The following FRRS1L variants were observed in gnomAD, a reference collection of about 807,000 sequenced individuals.
FRRS1L encodes DOMON domain-containing protein FRRS1L.
In FRRS1L, 22 loss-of-function variants were observed where a neutral mutation model predicts 28.6. The ratio of observed to expected loss-of-function variants is 0.77; its 90% CI spans 0.55 to 1.10. The LOEUF (loss-of-function observed/expected upper bound fraction) is 1.10, where lower values mean the gene tolerates loss of function less well. FRRS1L is among the 50% of genes least tolerant of loss of function. FRRS1L has a pLI of 0.00. For missense variants in FRRS1L, 380 were observed against 386.9 expected (o/e 0.98, Z 0.15); for synonymous variants, 158 against 151.4 (o/e 1.04, Z -0.32).
chr9:109,165,237 T>G (rs2118519107), intron 1 of FRRS1L, among the ~76,000 whole-genome samples: 1 of 152,380 alleles, frequency 6.6e-6, no homozygotes, highest in African/African-American at 2.4e-5. Context: ...TTAGTCTCCC[T>G]TGAAGCTAGG....
chr9:109,144,397 G>A lies in FRRS1L; in HGVS notation c.462+2654C>T, dbSNP rs576630525. ...CTACTTTTTTTCTTTTTTTGAGACA[G>A]TCTCGCTCTGTTGCTCAGGGTGGAG... On this transcript the variant is annotated intron_variant, in intron 3 of 4. Coordinates refer to ENST00000561981, the MANE Select transcript of FRRS1L (RefSeq NM_014334.4). 7.2e-5 allele frequency among the ~76,000 whole-genome samples: 11 copies of A among 152,146 alleles called. 1 individual carries two copies. The South Asian group carries it at 2.3e-3, about 32-fold the overall frequency.
At position 109,166,992 on chromosome 9, in the gene FRRS1L, G is replaced by T. The variant is rs1305464357; in HGVS notation, c.147C>A (p.Asp49Glu). 1.6e-6 allele frequency: 2 copies of T among 1,268,566 alleles called. No individual in the cohort carries two copies. The highest frequency in any genetic ancestry group is 3.2e-5 in the East Asian group (1 of 31,286). 78.6% of individuals were successfully genotyped at this position (1,268,566 alleles called of 1,614,324 possible). The change falls in exon 1 of 5, where the codon GAC becomes GAA. Residue 49 changes from aspartate to glutamate, a missense_variant. Coordinates refer to ENST00000561981, the MANE Select transcript of FRRS1L (RefSeq NM_014334.4). ...GRGPRGRARG[D>E]TGADEAVPRH... ...GCGGCACCGCCTCGTCGGCGCCCGTGTCCCCCCGCGCGCGTCCCCGGGGTC... is the reference window on the plus strand; with the variant it reads ...GCGGCACCGCCTCGTCGGCGCCCGTTTCCCCCCGCGCGCGTCCCCGGGGTC...
intron 1 of FRRS1L, among the ~76,000 whole-genome samples, chr9:109,165,346 C>T (rs1016962082): frequency 3.9e-5 from 6 of 152,126 alleles, no homozygotes; most frequent in African/African-American, 9.7e-5. Context: ...CTTTTTCTTT[C>T]CCTCAATCTT....
intron 1 of FRRS1L, among the ~76,000 whole-genome samples, chr9:109,164,019 C>T (rs11795286): frequency 0.035 from 5,331 of 152,314 alleles, 157 homozygotes; most frequent in Middle Eastern, 0.068. Context: ...GGACACCCCT[C>T]TCTCCTGGTT....
chr9:109,149,999 C>T (rs1831312207), intron 1 of FRRS1L: 1 of 295,382 alleles, frequency 3.4e-6, no homozygotes, highest in Non-Finnish European at 6.4e-6. Flanking sequence ...TTTCATATAA[C>T]CACGGGCTTA....
intron 3 of FRRS1L, among the ~76,000 whole-genome samples, chr9:109,145,138 T>C (rs530347171): frequency 1.3e-4 from 20 of 152,090 alleles, no homozygotes; most frequent in Non-Finnish European, 2.5e-4. Context: ...GAAAGTCTCA[T>C]AGTTTGGGAA....
In FRRS1L at chr9:109,149,656, T is replaced by C; in HGVS notation, c.303A>G (p.Gly101=). The change falls in exon 2 of 5, where the codon GGA becomes GGG. Residue 101 remains glycine (G), a synonymous_variant. Transcript: ENST00000561981. ...PFAKIKVDDC[G]KTKGCFRYGK... is the part of the protein sequence containing the mutation. ...CCAACCTAAAGCATCCCTTAGTTTT[T>C]CCACAGTCGTCCACTTTGATTTTGG... 6.2e-7 allele frequency: 1 copy of C among 1,613,112 alleles called. No individual in the cohort carries two copies. The highest frequency in any genetic ancestry group is 8.5e-7 in the Non-Finnish European group (1 of 1,179,060).
At chr9:109,144,715 T>G (rs10979706) in intron 3 of FRRS1L, among the ~76,000 whole-genome samples, 8 of 151,092 alleles carry the variant, frequency 5.3e-5, no homozygotes, top group Admixed American at 3.3e-4. Flanking sequence ...CGGAGTTTCA[T>G]TCTCGTTGCC....
intron 4 of FRRS1L, 134 bp downstream of exon 4, chr9:109,141,209 G>T: frequency 1.1e-6 from 1 of 889,344 alleles, no homozygotes; most frequent in Non-Finnish European, 1.7e-6. Context: ...GAAGGTAGGA[G>T]TCGCATCTCC....
chr9:109,149,485 C>A (rs1034993808), intron 2 of FRRS1L, 151 bp downstream of exon 2: 112 of 581,090 alleles, frequency 1.9e-4, no homozygotes, highest in Non-Finnish European at 2.9e-4. Flanking sequence ...GACTGAAAAG[C>A]GGGATGGCCG....
In FRRS1L at chr9:109,160,115, T is replaced by C. The variant is rs552707920; in HGVS notation, c.238+6786A>G. Reference sequence around the variant, plus strand: ...TATTTTGTTATTTGTTTCCTTCTACTATCTTTAGATTTATTCCCTTCTTTC... The same window carrying C: ...TATTTTGTTATTTGTTTCCTTCTACCATCTTTAGATTTATTCCCTTCTTTC... On this transcript the variant is annotated intron_variant, in intron 1 of 4. Transcript: ENST00000561981. Among the ~76,000 whole-genome samples, 6 of 152,350 alleles carry C rather than the reference T, an allele frequency of 3.9e-5. No homozygotes were observed. In the South Asian group the frequency reaches 1.2e-3, roughly 32 times the overall value.
intron 1 of FRRS1L, among the ~76,000 whole-genome samples, chr9:109,160,465 C>CAGTGGTATGAACATAGCTCACTGT (rs11268890): frequency 6.6e-6 from 1 of 151,932 alleles, no homozygotes; most frequent in African/African-American, 2.4e-5. Context: ...GACTGGAGCA[C>CAGTGGTATGAACATAGCTCACTGT]AGCCTCGACC....
intron 3 of FRRS1L, among the ~76,000 whole-genome samples, chr9:109,143,553 T>G (rs1356322715): frequency 1.3e-5 from 2 of 150,418 alleles, no homozygotes; most frequent in African/African-American, 4.9e-5. Flanking sequence ...GTCTCACTGT[T>G]GCTCAGGCTG....
intron 3 of FRRS1L, among the ~76,000 whole-genome samples, chr9:109,144,079 C>G (rs886944746): frequency 3.3e-5 from 5 of 152,118 alleles, no homozygotes; most frequent in Non-Finnish European, 7.3e-5. Context: ...GCATTTAGGA[C>G]AGGAAGTGGT....
chr9:109,163,743 C>A (rs999733571), intron 1 of FRRS1L, among the ~76,000 whole-genome samples: 8 of 152,074 alleles, frequency 5.3e-5, no homozygotes, highest in Middle Eastern at 3.2e-3. Context: ...GAAGGGGGTA[C>A]CCTGCACAGA....
At chr9:109,147,335 C>T in intron 2 of FRRS1L, 146 bp from the exon 3 acceptor site, 2 of 685,810 alleles carry the variant, frequency 2.9e-6, no homozygotes, top group East Asian at 2.7e-5. Flanking sequence ...AACACAGTTT[C>T]ACTCTCTTAG....
At chr9:109,156,537 G>C (rs1831408273) in intron 1 of FRRS1L, among the ~76,000 whole-genome samples, 1 of 151,592 alleles carries the variant, frequency 6.6e-6, no homozygotes, top group Non-Finnish European at 1.5e-5. Context: ...TACAGGGGTG[G>C]ACCACCACGC....
At chr9:109,157,433 C>T (rs969902468) in intron 1 of FRRS1L, among the ~76,000 whole-genome samples, 3 of 152,160 alleles carry the variant, frequency 2.0e-5, no homozygotes, top group Non-Finnish European at 4.4e-5. Context: ...GTCACCCAGG[C>T]TAGAGTGCAG....
intron 3 of FRRS1L, among the ~76,000 whole-genome samples, chr9:109,143,067 C>T (rs565789146): frequency 6.6e-6 from 1 of 152,146 alleles, no homozygotes; most frequent in African/African-American, 2.4e-5. Context: ...GCCTATAATC[C>T]CAGCACTGTG....
Sources: allele counts gnomAD v4.1 joint callset (sites outside exome capture counted in the v4.1 genomes callset), GRCh38; gene constraint gnomAD v4.1.1; transcripts MANE v1.5; gene names NCBI Gene and HGNC (gene_info 2026-07-23, HGNC 2026-07-21).